Variants in OCIAD2 observed in about 807,000 individuals in gnomAD.
The protein encoded by OCIAD2 is OCIA domain containing 2, also known as OCIA domain-containing protein 2.
OCIAD2 carries 29 observed loss-of-function variants against 22.9 expected under a neutral mutation model. The ratio of observed to expected loss-of-function variants is 1.27; its 90% CI spans 0.94 to 1.73. The LOEUF (loss-of-function observed/expected upper bound fraction) is 1.73. Among genes scored for constraint, OCIAD2 ranks in the 40% most tolerant of loss-of-function variants. The probability of loss-of-function intolerance (pLI) is 0.00; values close to 1 mark genes in which losing one functional copy is unlikely to be tolerated. For missense variants in OCIAD2, 189 were observed against 180.3 expected (o/e 1.05, Z -0.28); for synonymous variants, 67 against 60.2 (o/e 1.11, Z -0.52).
intron 6 of OCIAD2, among the ~76,000 whole-genome samples, chr4:48,889,187 C>T (rs1781087594): frequency 1.3e-5 from 2 of 151,974 alleles, no homozygotes; most frequent in South Asian, 2.1e-4. Flanking sequence ...TGGTGATATC[C>T]CCTTTATCAC....
intron 6 of OCIAD2, among the ~76,000 whole-genome samples, chr4:48,889,305 AT>A (rs1294622434): frequency 1.3e-5 from 2 of 152,242 alleles, no homozygotes; most frequent in Non-Finnish European, 2.9e-5. Context: ...GGATTCATTG[AT>A]TTTTTGAAGG....
rs1372260152 is a variant in OCIAD2 at position 48,885,181 on chromosome 4, G to A, written c.*303C>T. 1 of 229,246 alleles carries A rather than the reference G, an allele frequency of 4.4e-6. No individual in the cohort carries two copies. Among genetic ancestry groups the A allele is most frequent in the Non-Finnish European group, 8.5e-6 (1 of 118,184 alleles). The allele number at this position is 229,246 out of a possible 1,614,324, so 14.2% of individuals were successfully genotyped here. A position where few individuals can be genotyped will look rare whatever the true frequency, so the allele number is the denominator to read the frequency against. ...TTTTTATATTTTTAGCAGAGATGGG[G>A]TTTCACCATGTTGGCCAAGCTGGTC... On this transcript the variant is annotated 3_prime_UTR_variant, in exon 7 of 7. Coordinates refer to ENST00000508632, the MANE Select transcript of OCIAD2 (RefSeq NM_001014446.3).
chr4:48,898,863 T>A (rs1399720012), intron 3 of OCIAD2, among the ~76,000 whole-genome samples: 2 of 152,166 alleles, frequency 1.3e-5, no homozygotes, highest in Non-Finnish European at 2.9e-5. Flanking sequence ...GTGATAAACA[T>A]GTAGCTCTTT....
At chr4:48,894,829 T>C (rs1560459007) in intron 4 of OCIAD2, among the ~76,000 whole-genome samples, 1 of 152,152 alleles carries the variant, frequency 6.6e-6, no homozygotes, top group Non-Finnish European at 1.5e-5. Context: ...CAACTCATGG[T>C]AGTTAGAATA....
At chr4:48,891,120 A>G (rs1781169287) in intron 6 of OCIAD2, among the ~76,000 whole-genome samples, 1 of 152,104 alleles carries the variant, frequency 6.6e-6, no homozygotes, top group Non-Finnish European at 1.5e-5. Flanking sequence ...CCCCTTCTTC[A>G]ACCCTGCTAT....
intron 6 of OCIAD2, among the ~76,000 whole-genome samples, chr4:48,886,026 C>G (rs1244939440): frequency 6.6e-6 from 1 of 152,108 alleles, no homozygotes; most frequent in Non-Finnish European, 1.5e-5. Flanking sequence ...ATGGTATTGC[C>G]TAGGTTTTCT....
chr4:48,886,692 T>G (rs555388287), intron 6 of OCIAD2, among the ~76,000 whole-genome samples: 3 of 152,294 alleles, frequency 2.0e-5, no homozygotes, highest in East Asian at 3.9e-4. Flanking sequence ...TATGGCTGCA[T>G]AGTATTCCAT....
In OCIAD2 at chr4:48,899,816, T is replaced by G. The variant is rs2109680800; in HGVS notation, c.163+13A>C. 6.3e-7 allele frequency: 1 copy of G among 1,580,598 alleles called. No individual in the cohort carries two copies. Among genetic ancestry groups the G allele is most frequent in the Non-Finnish European group, 8.7e-7 (1 of 1,150,770 alleles). ...CAGTTTACTGCCACAAATACAGTGT[T>G]AGGTGCAATTACCTCTCTTCCAGAA... On this transcript the variant is annotated intron_variant, in intron 3 of 6. Transcript: ENST00000508632.
chr4:48,902,552 C>T (rs1233340784), intron 2 of OCIAD2, among the ~76,000 whole-genome samples: 1 of 152,200 alleles, frequency 6.6e-6, no homozygotes, highest in African/African-American at 2.4e-5. Flanking sequence ...CCTTACTTAG[C>T]ACAGGCATGC....
intron 6 of OCIAD2, among the ~76,000 whole-genome samples, chr4:48,891,683 C>T (rs1274555094): frequency 6.6e-6 from 1 of 152,192 alleles, no homozygotes; most frequent in Non-Finnish European, 1.5e-5. Context: ...TCTTTCTTTT[C>T]CTGCACAGAC....
chr4:48,885,654 C>G (rs546040582), intron 6 of OCIAD2, 89 bp from the exon 7 acceptor site: 7 of 747,518 alleles, frequency 9.4e-6, no homozygotes, highest in African/African-American at 1.8e-5. Context: ...ATTATTTTAA[C>G]ATAATCTTTT....
intron 6 of OCIAD2, among the ~76,000 whole-genome samples, chr4:48,886,682 T>C (rs1267502918): frequency 1.1e-4 from 17 of 152,290 alleles, no homozygotes; most frequent in Non-Finnish European, 1.6e-4. Context: ...ATCCTTTTTT[T>C]ATGGCTGCAT....
At chr4:48,902,143 T>C (rs1450601762) in intron 2 of OCIAD2, among the ~76,000 whole-genome samples, 1 of 152,194 alleles carries the variant, frequency 6.6e-6, no homozygotes, top group African/African-American at 2.4e-5. Context: ...TTGTGAATTA[T>C]TTATGTGTGT....
At chr4:48,901,555 A>G (rs1781418992) in intron 2 of OCIAD2, among the ~76,000 whole-genome samples, 1 of 152,128 alleles carries the variant, frequency 6.6e-6, no homozygotes, top group East Asian at 1.9e-4. Flanking sequence ...AACATTTATT[A>G]TCCTGTTTGT....
At position 48,900,749 on chromosome 4, in the gene OCIAD2, T is replaced by C. The variant is rs76312835; in HGVS notation, c.67-824A>G. ...CCAGGTTCAAGCAATCCTCCTACCT[T>C]AGCTCCCCTAGAAGCTAGGACTATA... On this transcript the variant is annotated intron_variant, in intron 2 of 6. Coordinates refer to ENST00000508632, the MANE Select transcript of OCIAD2 (RefSeq NM_001014446.3). Among the ~76,000 whole-genome samples, 474 of 151,782 alleles carry C rather than the reference T, an allele frequency of 3.1e-3. 1 individual carries two copies. The highest frequency in any genetic ancestry group is 0.011 in the African/African-American group (444 of 41,380).
chr4:48,886,754 G>C (rs1370748428), intron 6 of OCIAD2, among the ~76,000 whole-genome samples: 1 of 152,052 alleles, frequency 6.6e-6, no homozygotes, highest in Non-Finnish European at 1.5e-5. Flanking sequence ...TTGGACATTG[G>C]GTTGGTTCCA....
At chr4:48,904,431 A>C in intron 2 of OCIAD2, 53 bp downstream of exon 2, 1 of 1,476,122 alleles carries the variant, frequency 6.8e-7, no homozygotes, top group South Asian at 1.1e-5. Flanking sequence ...TCTGGGTGAC[A>C]GTGTGAGATC....
rs574603060 is a variant in OCIAD2, at chr4:48,905,281, C to A, written c.-62-670G>T. 2.3e-3 allele frequency among the ~76,000 whole-genome samples: 350 copies of A among 152,140 alleles called. 1 individual carries two copies. The highest frequency in any genetic ancestry group is 3.4e-3 in the Non-Finnish European group (231 of 68,010). ...ACGATTTGGGTCTAGAGTTCCAGAA[C>A]AGGGGTAGGCTAGAGAGATGAAGTT... is the stretch of plus-strand genomic sequence containing the variant. On this transcript the variant is annotated intron_variant, in intron 1 of 6. Coordinates refer to ENST00000508632, the MANE Select transcript of OCIAD2 (RefSeq NM_001014446.3).
At chr4:48,894,817 T>C (rs1781266915) in intron 4 of OCIAD2, among the ~76,000 whole-genome samples, 1 of 152,164 alleles carries the variant, frequency 6.6e-6, no homozygotes, top group Non-Finnish European at 1.5e-5. Context: ...ATGCAAACAG[T>C]ACAACTCATG....
Sources: gnomAD v4.1 joint callset for allele counts (sites outside exome capture counted in the v4.1 genomes callset) on GRCh38, gnomAD v4.1.1 for gene constraint, MANE v1.5 for transcripts, NCBI Gene and HGNC (gene_info 2026-07-23, HGNC 2026-07-21) for gene names.